KLHL29: variants seen among roughly 807,000 people sequenced by gnomAD.
The protein encoded by KLHL29 is kelch like family member 29.
In KLHL29, 21 loss-of-function variants were observed where a neutral mutation model predicts 80.4. That is an observed-to-expected ratio of 0.26 (90% CI 0.19 to 0.38). The LOEUF (loss-of-function observed/expected upper bound fraction) is 0.38. Among genes scored for constraint, KLHL29 ranks in the 10% least tolerant of loss-of-function variants. The pLI is 1.00. For missense variants in KLHL29, 867 were observed against 1,223.9 expected, an observed-to-expected ratio of 0.71 and a Z score of 4.35; for synonymous variants, 511 against 526.8, an observed-to-expected ratio of 0.97 and a Z score of 0.41.
rs928665494 is a variant in KLHL29, at chr2:23,562,324, C to A, written c.128C>A (p.Thr43Lys). 2 of 1,544,716 alleles carry A rather than the reference C, an allele frequency of 1.3e-6. No individual in the cohort carries two copies. The highest frequency in any genetic ancestry group is 8.7e-7 in the Non-Finnish European group (1 of 1,144,146). The change falls in exon 3 of 14, where the codon ACA becomes AAA. Residue 43 changes from threonine (T) to lysine (K), a missense_variant. By Grantham distance (78) the Thr-to-Lys change is moderately conservative. Coordinates refer to ENST00000486442, the MANE Select transcript of KLHL29 (RefSeq NM_052920.2). The surrounding 1 kb of genome is among the most constrained non-coding windows in gnomAD (Gnocchi z 4.5). ...CSVTSGAGGGTASSLSVRPGL... is the reference protein window; with the variant it reads ...CSVTSGAGGGKASSLSVRPGL... ...GTCACCTCGGGGGCCGGTGGCGGCA[C>A]AGCCAGCAGCCTCAGCGTCCGGCCC... is the stretch of plus-strand genomic sequence containing the variant.
intron 2 of KLHL29, among the ~76,000 whole-genome samples, chr2:23,560,295 G>A (rs1268828657): frequency 1.7e-5 from 2 of 116,556 alleles, no homozygotes; most frequent in Non-Finnish European, 1.7e-5. Flanking sequence ...TTTTTGAGAC[G>A]GAGTCTTGCT....
Position 23,708,499 on chromosome 2 carries a change from A to G in KLHL29, c.*1835A>G, listed in dbSNP as rs1415333166. On this transcript the variant is annotated 3_prime_UTR_variant, in exon 14 of 14. Coordinates refer to ENST00000486442, the MANE Select transcript of KLHL29 (RefSeq NM_052920.2). ...CTATCACACTGGAGCAAAACTGGCT[A>G]TTTCTGTGAATGATATAAAACAGGG... The G allele has an allele frequency of 6.6e-6, 1 of 152,188 alleles. No individual in the cohort carries two copies. Among genetic ancestry groups the G allele is most frequent in the Non-Finnish European group, 1.5e-5 (1 of 68,034 alleles). 9.4% of individuals were successfully genotyped at this position (152,188 alleles called of 1,614,324 possible). A position where few individuals can be genotyped will look rare whatever the true frequency, so the allele number is the denominator to read the frequency against.
intron 1 of KLHL29, among the ~76,000 whole-genome samples, chr2:23,419,269 C>T (rs1324263352): frequency 2.0e-5 from 3 of 152,248 alleles, no homozygotes; most frequent in Non-Finnish European, 1.5e-5. Context: ...GTCCCGCTCC[C>T]CTGCCTTCTG....
intron 11 of KLHL29, among the ~76,000 whole-genome samples, chr2:23,699,126 A>G (rs975078313): frequency 1.1e-4 from 16 of 152,166 alleles, no homozygotes; most frequent in African/African-American, 3.9e-4. Context: ...TCTCAAATCC[A>G]AGCACACAAC....
intron 2 of KLHL29, among the ~76,000 whole-genome samples, chr2:23,517,804 T>A (rs1434234484): frequency 6.6e-6 from 1 of 152,204 alleles, no homozygotes; most frequent in Non-Finnish European, 1.5e-5. Context: ...GCTGGGCCCA[T>A]TCCCACCACT....
At position 23,562,270 on chromosome 2, in the gene KLHL29, G is replaced by T; in HGVS notation, c.74G>T (p.Gly25Val). The change falls in exon 3 of 14, where the codon GGG (glycine) becomes GTG (valine). Residue 25 changes from glycine (G) to valine (V), a missense_variant. By Grantham distance (109) the Gly-to-Val change is moderately radical. This residue lies in a region of KLHL29 where 424 missense variants were observed against 456.9 expected (regional missense o/e 0.93). Transcript: ENST00000486442. The surrounding 1 kb of genome is among the most constrained non-coding windows in gnomAD (Gnocchi z 4.5). ...GACCGCCGCGAATGGAGCGTCAACGGGACGCATGGGACCACCAGCATCTGC... is the reference window on the plus strand; with the variant it reads ...GACCGCCGCGAATGGAGCGTCAACGTGACGCATGGGACCACCAGCATCTGC... ...GWDRREWSVN[G>V]THGTTSICSV... 1 of 1,549,316 alleles carries T rather than the reference G, an allele frequency of 6.5e-7. No individual in the cohort carries two copies. Among genetic ancestry groups the T allele is most frequent in the Non-Finnish European group, 8.7e-7 (1 of 1,146,162 alleles).
intron 2 of KLHL29, among the ~76,000 whole-genome samples, chr2:23,476,279 A>C (rs1664639736): frequency 6.6e-6 from 1 of 151,968 alleles, no homozygotes; most frequent in African/African-American, 2.4e-5. Context: ...CTCCTTAAAA[A>C]CTGTAATTAA....
chr2:23,588,612 TC>T (rs1249343113), intron 3 of KLHL29, among the ~76,000 whole-genome samples: 1 of 152,260 alleles, frequency 6.6e-6, no homozygotes, highest in East Asian at 1.9e-4. Context: ...ACAGGCAGAT[TC>T]CCAGACATTG....
At chr2:23,390,297 G>C (rs115383181) in intron 1 of KLHL29, among the ~76,000 whole-genome samples, 2,145 of 152,264 alleles carry the variant, frequency 0.014, 66 homozygotes, top group African/African-American at 0.048. Flanking sequence ...TGAAATTCAA[G>C]TAGTTCAGAG....
chr2:23,581,206 G>A (rs1667971623), intron 3 of KLHL29, among the ~76,000 whole-genome samples: 1 of 152,010 alleles, frequency 6.6e-6, no homozygotes, highest in South Asian at 2.1e-4. Context: ...CCCTTGCACC[G>A]TGGCATGGCT....
intron 5 of KLHL29, chr2:23,671,884 G>C (rs1356931993): frequency 6.6e-6 from 1 of 152,318 alleles, no homozygotes; most frequent in East Asian, 1.9e-4. Flanking sequence ...TCTCTGTGAC[G>C]GGCCTGGCTG....
Position 23,390,357 on chromosome 2 carries a change from C to T in KLHL29, c.-154+4577C>T, listed in dbSNP as rs186176443. Among the ~76,000 whole-genome samples, 32 of 152,254 alleles carry T rather than the reference C, an allele frequency of 2.1e-4. No homozygotes were observed. In the East Asian group the frequency reaches 5.4e-3, roughly 26 times the overall value. ...GATGACTCACAAGCTGGAACAAGAA[C>T]GGCGAGCATGGTTGTAACGGCCGGG... is the stretch of plus-strand genomic sequence containing the variant. On this transcript the variant is annotated intron_variant, in intron 1 of 13. Transcript: ENST00000486442.
In KLHL29 at chr2:23,680,023, G is replaced by C. The variant is rs1671031327; in HGVS notation, c.941-4376G>C. On this transcript the variant is annotated intron_variant, in intron 5 of 13. Transcript: ENST00000486442. This position sits in a 1 kb window ranked among gnomAD's most constrained non-coding sequence, Gnocchi z 4.1. ...GAACGGGGAGACCTCCCAGAGGGCTGTGCTGCCCCTTCAGCCCCGAAGGAT... is the reference window on the plus strand; with the variant it reads ...GAACGGGGAGACCTCCCAGAGGGCTCTGCTGCCCCTTCAGCCCCGAAGGAT... 6.6e-6 allele frequency among the ~76,000 whole-genome samples: 1 copy of C among 152,212 alleles called. No homozygotes were observed. Among genetic ancestry groups the C allele is most frequent in the Admixed American group, 6.5e-5 (1 of 15,288 alleles).
chr2:23,580,845 G>A (rs1400391610), intron 3 of KLHL29, among the ~76,000 whole-genome samples: 26 of 137,386 alleles, frequency 1.9e-4, no homozygotes, highest in African/African-American at 7.0e-4. Flanking sequence ...TAGCGTGGTG[G>A]CAGGCGCCTG....
intron 2 of KLHL29, among the ~76,000 whole-genome samples, chr2:23,556,695 C>G (rs2137900): frequency 0.39 from 59,018 of 151,628 alleles, 13,062 homozygotes; most frequent in Non-Finnish European, 0.49. Context: ...TGCCCTCCTC[C>G]CCTCCCGTCT....
chr2:23,649,027 C>T (rs193136961), intron 5 of KLHL29, among the ~76,000 whole-genome samples: 1 of 152,278 alleles, frequency 6.6e-6, no homozygotes. Context: ...GTAGTAGGCT[C>T]GAATAATATT....
intron 2 of KLHL29, among the ~76,000 whole-genome samples, chr2:23,519,347 C>A (rs1028258682): frequency 3.5e-4 from 53 of 151,498 alleles, no homozygotes; most frequent in African/African-American, 1.2e-3. Flanking sequence ...CAGGCTCCCT[C>A]CCACCCAGGC....
At chr2:23,657,072 T>C (rs1304709838) in intron 5 of KLHL29, among the ~76,000 whole-genome samples, 1 of 152,190 alleles carries the variant, frequency 6.6e-6, no homozygotes, top group Non-Finnish European at 1.5e-5. Context: ...AATGGGGGTT[T>C]GGGGAGTAGA....
intron 2 of KLHL29, among the ~76,000 whole-genome samples, chr2:23,484,007 TC>T (rs1299059831): frequency 1.3e-5 from 2 of 152,062 alleles, no homozygotes; most frequent in African/African-American, 4.8e-5. Context: ...TGCAATGTGG[TC>T]CCAACCCCCA....
Sources: gnomAD v4.1 joint callset for allele counts (sites outside exome capture counted in the v4.1 genomes callset) on GRCh38, gnomAD v4.1.1 for gene constraint, gnomAD v4.1.1 regional missense constraint, Gnocchi (gnomAD v3.1) non-coding constraint, MANE v1.5 for transcripts, NCBI Gene and HGNC (gene_info 2026-07-23, HGNC 2026-07-21) for gene names.